Variants in CAST observed in about 807,000 individuals in gnomAD.
CAST encodes the protein MIR583 host.
Under a neutral mutation model 119.6 loss-of-function variants are expected in CAST, and 76 were observed. That is an observed-to-expected ratio of 0.64 (90% CI 0.53 to 0.77). CAST has a LOEUF of 0.77. Ranked by LOEUF, CAST falls within the 30% of genes least tolerant of loss-of-function variation. The pLI, the probability that CAST is intolerant of heterozygous loss-of-function variation, is 0.00. For synonymous variants in CAST, 319 were observed against 331.6 expected (o/e 0.96, Z 0.41); for missense variants, 953 against 946.5 (o/e 1.01, Z -0.09).
chr5:96,538,847 T>TA (rs1315898487), intron 1 of CAST, among the ~76,000 whole-genome samples: 1 of 151,352 alleles, frequency 6.6e-6, no homozygotes, highest in Non-Finnish European at 1.5e-5. Context: ...GTTTGGGGTT[T>TA]AAAAAAAATC....
chr5:96,756,390 A>G (rs1436804704), intron 22 of CAST, among the ~76,000 whole-genome samples: 1 of 152,188 alleles, frequency 6.6e-6, no homozygotes, highest in Non-Finnish European at 1.5e-5. Flanking sequence ...TCAGAAGGCA[A>G]AAGTCAGTCA....
At chr5:96,539,743 G>T (rs115481126) in intron 1 of CAST, among the ~76,000 whole-genome samples, 1 of 152,014 alleles carries the variant, frequency 6.6e-6, no homozygotes, top group African/African-American at 2.4e-5. Flanking sequence ...TAAAAGAATC[G>T]ATTTCTCATG....
At chr5:96,219,258 C>T in the CAST span, among the ~76,000 whole-genome samples, 1 of 152,170 alleles carries the variant, frequency 6.6e-6, no homozygotes, top group Non-Finnish European at 1.5e-5. Flanking sequence ...TCCTCAAGAA[C>T]ATCTCTTATT....
chr5:96,475,304 T>G, the CAST span, among the ~76,000 whole-genome samples: 1 of 152,236 alleles, frequency 6.6e-6, no homozygotes, highest in African/African-American at 2.4e-5. Context: ...CGAAAATGAA[T>G]TAATAAGGAG....
chr5:96,458,333 G>A, the CAST span, among the ~76,000 whole-genome samples: 4 of 152,102 alleles, frequency 2.6e-5, no homozygotes, highest in South Asian at 2.1e-4. Context: ...AAAAGATACC[G>A]TATGGCCTGC....
chr5:96,700,643 C>G (rs1336209221), intron 3 of CAST, among the ~76,000 whole-genome samples: 1 of 152,020 alleles, frequency 6.6e-6, no homozygotes, highest in Non-Finnish European at 1.5e-5. Flanking sequence ...TTTAGGCTAC[C>G]CATAACCTAA....
the CAST span, among the ~76,000 whole-genome samples, chr5:96,217,408 T>C: frequency 3.9e-5 from 6 of 152,198 alleles, no homozygotes; most frequent in South Asian, 1.2e-3. Flanking sequence ...AAATAATTGT[T>C]TCTTTCTGTT....
chr5:96,714,117 C>T (rs988945648), intron 3 of CAST, among the ~76,000 whole-genome samples: 4 of 152,222 alleles, frequency 2.6e-5, no homozygotes, highest in African/African-American at 2.4e-5. Flanking sequence ...GGCACCAAAT[C>T]ATGCACTTTA....
chr5:96,494,921 TC>T, the CAST span, among the ~76,000 whole-genome samples: 1 of 151,800 alleles, frequency 6.6e-6, no homozygotes, highest in Middle Eastern at 3.2e-3. Context: ...CTCGAGACCA[TC>T]CTGGCTAACA....
the CAST span, among the ~76,000 whole-genome samples, chr5:95,998,079 A>T: frequency 1.4e-5 from 2 of 147,390 alleles, no homozygotes; most frequent in East Asian, 4.1e-4. Context: ...GAAGATAAGG[A>T]TCTTCTCAAG....
chr5:96,765,209 T>G lies in CAST; in HGVS notation c.1933-12T>G. ...CTAATGAGTGACTAATTCAGCATTATTTACTTTTCAGCAGAGTGACAAAGA... is the reference window on the plus strand; with the variant it reads ...CTAATGAGTGACTAATTCAGCATTAGTTACTTTTCAGCAGAGTGACAAAGA... On this transcript the variant is annotated splice_polypyrimidine_tract_variant and intron_variant, in intron 25 of 31. Transcript: ENST00000675179. 6.6e-7 allele frequency: 1 copy of G among 1,510,220 alleles called. No homozygotes were observed. The highest frequency in any genetic ancestry group is 1.2e-5 in the South Asian group (1 of 86,886). 93.6% of individuals were successfully genotyped at this position (1,510,220 alleles called of 1,614,324 possible).
At chr5:96,636,436 T>G (rs1243282677) in intron 1 of CAST, among the ~76,000 whole-genome samples, 1 of 152,114 alleles carries the variant, frequency 6.6e-6, no homozygotes, top group African/African-American at 2.4e-5. Context: ...GCATTTCCCA[T>G]CTATGTCCAA....
intron 1 of CAST, among the ~76,000 whole-genome samples, chr5:96,544,721 T>C (rs1745974279): frequency 6.6e-6 from 1 of 151,322 alleles, no homozygotes. Context: ...GTGCAATGAG[T>C]AGAAAAGAGT....
At chr5:96,291,459 C>G in the CAST span, among the ~76,000 whole-genome samples, 2 of 152,142 alleles carry the variant, frequency 1.3e-5, no homozygotes, top group African/African-American at 4.8e-5. Context: ...GACAGTTCAT[C>G]TTTGTCAAAT....
At chr5:96,688,626 T>C (rs1030599826) in intron 2 of CAST, among the ~76,000 whole-genome samples, 1 of 152,238 alleles carries the variant, frequency 6.6e-6, no homozygotes, top group African/African-American at 2.4e-5. Flanking sequence ...ATTACAATTC[T>C]ATTCATATAA....
chr5:96,044,121 A>T, the CAST span, among the ~76,000 whole-genome samples: 10 of 152,260 alleles, frequency 6.6e-5, no homozygotes, highest in Non-Finnish European at 1.3e-4. Flanking sequence ...ATATATTGGT[A>T]CTTTCCCATG....
At chr5:96,710,432 GCCACAGACCT>G (rs1318371619) in intron 3 of CAST, among the ~76,000 whole-genome samples, 1 of 152,024 alleles carries the variant, frequency 6.6e-6, no homozygotes, top group Non-Finnish European at 1.5e-5. Flanking sequence ...AGCTTTTTAG[GCCACAGACCT>G]CCTTCCCTCT....
At chr5:96,237,394 A>G in the CAST span, among the ~76,000 whole-genome samples, 1 of 152,140 alleles carries the variant, frequency 6.6e-6, no homozygotes. Flanking sequence ...TAGGGGTAAT[A>G]TCTGTGTTCT....
At chr5:96,044,676 A>G in the CAST span, among the ~76,000 whole-genome samples, 2 of 152,186 alleles carry the variant, frequency 1.3e-5, no homozygotes, top group Admixed American at 6.5e-5. Flanking sequence ...TAGTAGCACC[A>G]TTCATAATAG....
Sources: allele counts gnomAD v4.1 joint callset (sites outside exome capture counted in the v4.1 genomes callset), GRCh38; gene constraint gnomAD v4.1.1; transcripts MANE v1.5; gene names NCBI Gene and HGNC (gene_info 2026-07-23, HGNC 2026-07-21).